FAM118B: variants seen among roughly 807,000 people sequenced by gnomAD.
FAM118B encodes SIR2 antiphage like 1, also known as protein FAM118B.
In FAM118B, 24 loss-of-function variants were observed where a neutral mutation model predicts 38.5. The observed-to-expected ratio is 0.62, with a 90% confidence interval of 0.45 to 0.88. The LOEUF (loss-of-function observed/expected upper bound fraction) is 0.88, where lower values mean the gene tolerates loss of function less well. Among genes scored for constraint, FAM118B ranks in the 40% least tolerant of loss-of-function variants. FAM118B has a pLI of 0.00. For missense variants in FAM118B, 334 were observed against 420.0 expected, an observed-to-expected ratio of 0.80 and a Z score of 1.79; for synonymous variants, 138 against 156.3, an observed-to-expected ratio of 0.88 and a Z score of 0.87.
chr11:126,236,350 A>AATTTTTAGT (rs2135159755), intron 3 of FAM118B, among the ~76,000 whole-genome samples: 1 of 152,324 alleles, frequency 6.6e-6, no homozygotes, highest in Non-Finnish European at 1.5e-5. Context: ...CTGAGTATAG[A>AATTTTTAGT]ATTTTTAGTA....
chr11:126,261,775 G>C (rs1287761494), intron 8 of FAM118B, among the ~76,000 whole-genome samples: 1 of 152,156 alleles, frequency 6.6e-6, no homozygotes, highest in Non-Finnish European at 1.5e-5. Flanking sequence ...GATTGCTTGA[G>C]CCCAGGAGTT....
rs919119972 is a variant in FAM118B, at chr11:126,244,395, A to G, written c.339+3351A>G. On this transcript the variant is annotated intron_variant, in intron 4 of 8. Coordinates refer to ENST00000533050, the MANE Select transcript of FAM118B (RefSeq NM_024556.4). The surrounding 1 kb of genome is among the most constrained non-coding windows in gnomAD (Gnocchi z 4.5). Reference sequence around the variant, plus strand: ...AGCAAGGTTGGAGAATCCGGGATCAATATATAAAAATAGTATTTTTATACA... The same window carrying G: ...AGCAAGGTTGGAGAATCCGGGATCAGTATATAAAAATAGTATTTTTATACA... Among the ~76,000 whole-genome samples the G allele has an allele frequency of 1.3e-5, 2 of 152,238 alleles. No homozygotes were observed. Among genetic ancestry groups the G allele is most frequent in the African/African-American group, 4.8e-5 (2 of 41,466 alleles).
intron 5 of FAM118B, among the ~76,000 whole-genome samples, chr11:126,251,973 CGTTTTGTTTT>C (rs546709233): frequency 1.5e-3 from 234 of 151,270 alleles, no homozygotes; most frequent in South Asian, 6.9e-3. Context: ...TGTGCCTGGC[CGTTTTGTTTT>C]GTTTTGTTTT....
intron 1 of FAM118B, among the ~76,000 whole-genome samples, chr11:126,224,540 G>C (rs1950114254): frequency 6.6e-6 from 1 of 150,572 alleles, no homozygotes; most frequent in Non-Finnish European, 1.5e-5. Flanking sequence ...TGGTATGTTA[G>C]AGGGTGCTGT....
intron 2 of FAM118B, among the ~76,000 whole-genome samples, chr11:126,233,973 T>G (rs192919528): frequency 1.3e-5 from 2 of 152,064 alleles, no homozygotes; most frequent in Admixed American, 1.3e-4. Flanking sequence ...TCCCAGGTGA[T>G]GGAGAGGCTG....
At chr11:126,242,841 T>C (rs1396974719) in intron 4 of FAM118B, among the ~76,000 whole-genome samples, 1 of 152,226 alleles carries the variant, frequency 6.6e-6, no homozygotes, top group Non-Finnish European at 1.5e-5. Context: ...ACAGTGATTC[T>C]ATGAACCAGC....
At chr11:126,254,134 T>G (rs567546133) in intron 5 of FAM118B, among the ~76,000 whole-genome samples, 171 bp from the exon 6 acceptor site, 45 of 152,370 alleles carry the variant, frequency 3.0e-4, no homozygotes, top group African/African-American at 1.1e-3. Context: ...TTGACAGTCA[T>G]TCCTGAAGTG....
intron 1 of FAM118B, among the ~76,000 whole-genome samples, chr11:126,219,718 C>T (rs1783956): frequency 0.18 from 27,679 of 151,904 alleles, 2,661 homozygotes; most frequent in South Asian, 0.22. Context: ...GGGGCTGGGG[C>T]GTGGCTACCC....
At chr11:126,217,562 C>T (rs1949996478) in intron 1 of FAM118B, among the ~76,000 whole-genome samples, 1 of 152,134 alleles carries the variant, frequency 6.6e-6, no homozygotes, top group African/African-American at 2.4e-5. Flanking sequence ...ATGTATTTGT[C>T]ACATTCTTAT....
chr11:126,243,355 T>G (rs1169811594), intron 4 of FAM118B, among the ~76,000 whole-genome samples: 1 of 151,022 alleles, frequency 6.6e-6, no homozygotes, highest in Non-Finnish European at 1.5e-5. Context: ...GCCCAACGCT[T>G]TGGAAGGATG....
At position 126,252,481 on chromosome 11, in the gene FAM118B, C is replaced by G. The variant is rs550097696; in HGVS notation, c.567+1748C>G. ...AATGATTGGGCTGGGCACAGCAGCT[C>G]AGGCCTGTAACCCCAGCACTTTGGG... is the stretch of plus-strand genomic sequence containing the variant. On this transcript the variant is annotated intron_variant, in intron 5 of 8. Transcript: ENST00000533050. The surrounding 1 kb of genome is among the most constrained non-coding windows in gnomAD (Gnocchi z 4.7). Among the ~76,000 whole-genome samples the G allele has an allele frequency of 6.6e-6, 1 of 152,130 alleles. No homozygotes were observed. Among genetic ancestry groups the G allele is most frequent in the African/African-American group, 2.4e-5 (1 of 41,410 alleles).
intron 1 of FAM118B, among the ~76,000 whole-genome samples, chr11:126,219,136 G>C: frequency 6.6e-6 from 1 of 151,832 alleles, no homozygotes; most frequent in East Asian, 1.9e-4. Context: ...TCACATTCTT[G>C]GTTTTATACC....
At chr11:126,260,096 G>C (rs895979341) in intron 7 of FAM118B, among the ~76,000 whole-genome samples, 2 of 151,676 alleles carry the variant, frequency 1.3e-5, no homozygotes, top group African/African-American at 4.8e-5. Flanking sequence ...CAATGGCACA[G>C]TCATGGCTCA....
At chr11:126,225,585 T>G (rs1012492269) in intron 1 of FAM118B, among the ~76,000 whole-genome samples, 1 of 152,230 alleles carries the variant, frequency 6.6e-6, no homozygotes, top group East Asian at 1.9e-4. Context: ...GAGTGTCCTT[T>G]TGTAGTTTCT....
chr11:126,212,973 G>C (rs1205003650), intron 1 of FAM118B, among the ~76,000 whole-genome samples: 1 of 152,128 alleles, frequency 6.6e-6, no homozygotes, highest in African/African-American at 2.4e-5. Context: ...GGAAGGAAAG[G>C]GTTTGATAGT....
At chr11:126,240,747 T>C (rs1266701032) in intron 3 of FAM118B, 45 bp from the exon 4 acceptor site, 3 of 1,535,276 alleles carry the variant, frequency 2.0e-6, no homozygotes, top group Non-Finnish European at 2.6e-6. Context: ...GTGTGCCTCA[T>C]ATCTATTGGA....
chr11:126,214,527 T>TTTTTTTTTTA (rs1949954178), intron 1 of FAM118B: 1 of 123,370 alleles, frequency 8.1e-6, no homozygotes, highest in African/African-American at 2.9e-5. Flanking sequence ...TTTTTTTTTT[T>TTTTTTTTTTA]ACCTCTATAT....
At chr11:126,226,867 A>G (rs1950148826) in intron 1 of FAM118B, among the ~76,000 whole-genome samples, 1 of 150,552 alleles carries the variant, frequency 6.6e-6, no homozygotes, top group East Asian at 2.0e-4. Context: ...CAGCTACCCG[A>G]GAGGCTGAGG....
rs182696442 is a variant in FAM118B, at chr11:126,237,726, G to A, written c.86+2639G>A. 6.9e-3 allele frequency among the ~76,000 whole-genome samples: 996 copies of A among 144,620 alleles called. 9 individuals are homozygous for A. The highest frequency in any genetic ancestry group is 0.015 in the African/African-American group (613 of 39,716). 94.9% of individuals were successfully genotyped at this position (144,620 alleles called of 152,430 possible). On this transcript the variant is annotated intron_variant, in intron 3 of 8. Transcript: ENST00000533050. ...AAAAAAATTAGCGGGGCGTGGTGGC[G>A]CGTGCCTGTAATCCCAGCTACTCGG...
Sources: gnomAD v4.1 joint callset for allele counts (sites outside exome capture counted in the v4.1 genomes callset) on GRCh38, gnomAD v4.1.1 for gene constraint, Gnocchi (gnomAD v3.1) non-coding constraint, MANE v1.5 for transcripts, NCBI Gene and HGNC (gene_info 2026-07-23, HGNC 2026-07-21) for gene names.